The following CAP2 variants were observed in gnomAD, a reference collection of about 807,000 sequenced individuals.
CAP2 encodes the protein cyclase associated actin cytoskeleton regulatory protein 2.
A neutral mutation model predicts 57.7 loss-of-function variants in CAP2; 24 were observed. That is an observed-to-expected ratio of 0.42 (90% CI 0.30 to 0.58). The LOEUF (loss-of-function observed/expected upper bound fraction) is 0.58, where lower values mean the gene tolerates loss of function less well. Among genes scored for constraint, CAP2 ranks in the 20% least tolerant of loss-of-function variants. CAP2 has a pLI of 0.22. For synonymous variants in CAP2, 194 were observed against 207.2 expected (o/e 0.94, Z 0.55); for missense variants, 501 against 590.3 (o/e 0.85, Z 1.57).
intron 9 of CAP2, 122 bp from the exon 10 acceptor site, chr6:17,542,715 G>C: frequency 1.3e-6 from 1 of 786,472 alleles, no homozygotes; most frequent in Non-Finnish European, 2.1e-6. Flanking sequence ...TCTATAAGGA[G>C]ATGGTTCCAA....
chr6:17,411,948 G>A (rs1581495630), intron 1 of CAP2, among the ~76,000 whole-genome samples: 1 of 152,156 alleles, frequency 6.6e-6, no homozygotes, highest in African/African-American at 2.4e-5. Flanking sequence ...AGAGGGGCCT[G>A]GGGAATGAGC....
At chr6:17,543,374 T>C (rs1189566440) in intron 11 of CAP2, among the ~76,000 whole-genome samples, 1 of 151,978 alleles carries the variant, frequency 6.6e-6, no homozygotes, top group Non-Finnish European at 1.5e-5. Context: ...CCCTAGCACT[T>C]TGGGAGGCCG....
intron 2 of CAP2, among the ~76,000 whole-genome samples, chr6:17,426,123 C>A (rs1759583363): frequency 6.6e-6 from 1 of 151,724 alleles, no homozygotes; most frequent in South Asian, 2.1e-4. Flanking sequence ...AACAAAAAAA[C>A]CAAACACATT....
At chr6:17,399,344 T>A (rs967471632) in intron 1 of CAP2, among the ~76,000 whole-genome samples, 12 of 152,142 alleles carry the variant, frequency 7.9e-5, no homozygotes, top group African/African-American at 2.9e-4. Flanking sequence ...ATTATAGGGA[T>A]GAGCCACCAC....
chr6:17,528,270 T>A (rs563213301), intron 7 of CAP2, among the ~76,000 whole-genome samples: 6 of 152,232 alleles, frequency 3.9e-5, no homozygotes, highest in Non-Finnish European at 8.8e-5. Context: ...TTTCAACTTA[T>A]AATAGGTTTA....
chr6:17,395,713 T>G (rs902811400), intron 1 of CAP2, among the ~76,000 whole-genome samples: 3 of 152,238 alleles, frequency 2.0e-5, no homozygotes, highest in Admixed American at 1.3e-4. Flanking sequence ...CATGAGGTTT[T>G]GTTTTGTTTT....
Position 17,426,598 on chromosome 6 carries a change from C to T in CAP2, c.130C>T (p.Pro44Ser). 3.7e-6 allele frequency: 6 copies of T among 1,613,054 alleles called. No homozygotes were observed. The highest frequency in any genetic ancestry group is 5.1e-6 in the Non-Finnish European group (6 of 1,179,094). The change falls in exon 3 of 13, where the codon CCC (proline) becomes TCC (serine). Residue 44 changes from proline (P) to serine (S), a missense_variant. Coordinates refer to ENST00000229922, the MANE Select transcript of CAP2 (RefSeq NM_006366.3). ...CTGCTCCTTTCCCCAAGGTGTGGCA[C>T]CCTCCGTGGAAGCCTTTGACAAGCT... Reference protein sequence around the residue: ...EVNGVIAGVAPSVEAFDKLMD... With the variant: ...EVNGVIAGVASSVEAFDKLMD...
chr6:17,529,654 A>C (rs891038242), intron 7 of CAP2, among the ~76,000 whole-genome samples: 1 of 126,202 alleles, frequency 7.9e-6, no homozygotes, highest in Non-Finnish European at 1.7e-5. Flanking sequence ...AAAAAAAAAT[A>C]TATATATATA....
intron 6 of CAP2, among the ~76,000 whole-genome samples, chr6:17,512,712 G>T (rs1257719801): frequency 6.6e-6 from 1 of 152,192 alleles, no homozygotes; most frequent in Non-Finnish European, 1.5e-5. Flanking sequence ...TCATACATTT[G>T]ATGAATATAT....
chr6:17,554,631 G>T (rs1017401798), intron 12 of CAP2, among the ~76,000 whole-genome samples: 1 of 152,234 alleles, frequency 6.6e-6, no homozygotes, highest in Non-Finnish European at 1.5e-5. Flanking sequence ...AGGAAGATAG[G>T]TACCCATGTG....
In CAP2 at chr6:17,472,321, G is replaced by A. The variant is rs367671305; in HGVS notation, c.300+9248G>A. Among the ~76,000 whole-genome samples the A allele has an allele frequency of 1.7e-3, 39 of 22,598 alleles. 10 individuals are homozygous for A. The highest frequency in any genetic ancestry group is 9.4e-4 in the African/African-American group (2 of 2,128). 14.8% of individuals were successfully genotyped at this position (22,598 alleles called of 152,430 possible). ...TGCACTCCAGCCTGGGCGACAGAGC[G>A]AGACTCCGTCTCAAAAAAAAAAAAA... On this transcript the variant is annotated intron_variant, in intron 4 of 12. Coordinates refer to ENST00000229922, the MANE Select transcript of CAP2 (RefSeq NM_006366.3).
chr6:17,427,835 C>T (rs1190756401), intron 3 of CAP2, among the ~76,000 whole-genome samples: 1 of 152,160 alleles, frequency 6.6e-6, no homozygotes, highest in East Asian at 1.9e-4. Flanking sequence ...AATGCTGTTA[C>T]ATGCTGTAGT....
chr6:17,444,114 T>C (rs1258214771), intron 3 of CAP2, among the ~76,000 whole-genome samples: 1 of 152,242 alleles, frequency 6.6e-6, no homozygotes, highest in African/African-American at 2.4e-5. Flanking sequence ...TGGGCCCACC[T>C]GTTGAGAGTT....
chr6:17,548,031 C>G (rs570693664), intron 11 of CAP2, among the ~76,000 whole-genome samples: 14 of 151,600 alleles, frequency 9.2e-5, no homozygotes, highest in African/African-American at 2.7e-4. Flanking sequence ...TATGAACATG[C>G]AAAAATCAAT....
intron 4 of CAP2, among the ~76,000 whole-genome samples, chr6:17,480,751 G>C (rs1761265926): frequency 6.6e-6 from 1 of 151,096 alleles, no homozygotes; most frequent in Non-Finnish European, 1.5e-5. Flanking sequence ...AAGATGACTT[G>C]GTGCTAAATG....
At chr6:17,494,940 T>G (rs1374042834) in intron 4 of CAP2, among the ~76,000 whole-genome samples, 2 of 152,170 alleles carry the variant, frequency 1.3e-5, no homozygotes, top group Non-Finnish European at 2.9e-5. Context: ...TTTTTTGTTT[T>G]GTTTTGTCCC....
intron 7 of CAP2, among the ~76,000 whole-genome samples, chr6:17,514,474 G>A (rs879064927): frequency 3.7e-4 from 56 of 152,090 alleles, no homozygotes; most frequent in African/African-American, 9.4e-4. Flanking sequence ...CTGGCAGGGC[G>A]CAGTGGCTCT....
intron 1 of CAP2, among the ~76,000 whole-genome samples, chr6:17,396,520 A>G (rs1300768715): frequency 6.6e-6 from 1 of 152,220 alleles, no homozygotes; most frequent in Non-Finnish European, 1.5e-5. Context: ...TCTTGAAAAC[A>G]TTATGCTAAG....
chr6:17,526,212 G>A (rs1210275099), intron 7 of CAP2, among the ~76,000 whole-genome samples: 1 of 151,696 alleles, frequency 6.6e-6, no homozygotes, highest in Non-Finnish European at 1.5e-5. Flanking sequence ...CCACCTCCCG[G>A]GTTCAAGCTA....
Sources: allele counts gnomAD v4.1 joint callset (sites outside exome capture counted in the v4.1 genomes callset), GRCh38; gene constraint gnomAD v4.1.1; transcripts MANE v1.5; gene names NCBI Gene and HGNC (gene_info 2026-07-23, HGNC 2026-07-21).